Variants in TRAIP observed in about 807,000 individuals in gnomAD.
TRAIP encodes TRAF interacting protein.
Under a neutral mutation model 65.0 loss-of-function variants are expected in TRAIP, and 37 were observed. The observed-to-expected ratio is 0.57, with a 90% CI of 0.44 to 0.75. The LOEUF (loss-of-function observed/expected upper bound fraction) is 0.75, where lower values mean the gene tolerates loss of function less well. TRAIP is among the 30% of genes least tolerant of loss of function. The pLI is 0.00. For missense variants in TRAIP, 481 were observed against 579.4 expected (o/e 0.83, Z 1.74); for synonymous variants, 187 against 219.1 (o/e 0.85, Z 1.29).
chr3:49,840,228 TC>T, intron 9 of TRAIP, 55 bp downstream of exon 9: 1 of 1,490,822 alleles, frequency 6.7e-7, no homozygotes, highest in South Asian at 1.1e-5. Context: ...CCAGCCCTGC[TC>T]TGGGAGGGCA....
chr3:49,844,496 C>A, intron 4 of TRAIP, 45 bp downstream of exon 4: 1 of 1,610,008 alleles, frequency 6.2e-7, no homozygotes. Context: ...CCTCCAGCAT[C>A]CAAGTCAGGG....
At chr3:49,829,831 G>A in intron 12 of TRAIP, 65 bp from the exon 13 acceptor site, 1 of 1,604,094 alleles carries the variant, frequency 6.2e-7, no homozygotes, top group East Asian at 2.2e-5. Flanking sequence ...GAGGGTAGTG[G>A]TGGTGGAACA....
intron 10 of TRAIP, among the ~76,000 whole-genome samples, chr3:49,836,776 G>A (rs1260971447): frequency 6.6e-6 from 1 of 151,970 alleles, no homozygotes; most frequent in African/African-American, 2.4e-5. Flanking sequence ...TATGAGAACA[G>A]TGAAAATTTA....
intron 10 of TRAIP, among the ~76,000 whole-genome samples, chr3:49,832,485 G>A (rs1225658790): frequency 5.5e-5 from 6 of 108,648 alleles, no homozygotes; most frequent in South Asian, 2.6e-4. Context: ...GCAAGACTCC[G>A]TCTCAGGAAA....
intron 10 of TRAIP, among the ~76,000 whole-genome samples, chr3:49,836,117 C>T (rs2081784731): frequency 6.6e-6 from 1 of 151,866 alleles, no homozygotes; most frequent in Non-Finnish European, 1.5e-5. Context: ...CGTGTACCAC[C>T]ACACCTGGCT....
At chr3:49,836,529 AAAAGCAAAGC>A (rs140857495) in intron 10 of TRAIP, among the ~76,000 whole-genome samples, 5,434 of 151,988 alleles carry the variant, frequency 0.036, 314 homozygotes, top group African/African-American at 0.12. Context: ...AAGAAAAAGA[AAAAGCAAAGC>A]AAAGCAAAGC....
At chr3:49,835,145 T>C (rs112511620) in intron 10 of TRAIP, among the ~76,000 whole-genome samples, 4,972 of 152,094 alleles carry the variant, frequency 0.033, 270 homozygotes, top group African/African-American at 0.11. Context: ...GGGGTGGAGG[T>C]TGCAGTGAGC....
rs2081716250 is a variant in TRAIP, at chr3:49,829,773, G to A, written c.1087-7C>T. The A allele has an allele frequency of 6.2e-7, 1 of 1,613,902 alleles. No homozygotes were observed. The highest frequency in any genetic ancestry group is 8.5e-7 in the Non-Finnish European group (1 of 1,179,906). ...CCAGTGAGAGCTGGGACTCCTGCAG[G>A]GAAGACCCCAGGGCCAGACTTGATG... is the stretch of plus-strand genomic sequence containing the variant. On this transcript the variant is annotated splice_polypyrimidine_tract_variant and splice_region_variant and intron_variant, in intron 12 of 14. Coordinates refer to ENST00000331456, the MANE Select transcript of TRAIP (RefSeq NM_005879.3).
At chr3:49,847,443 A>G in intron 3 of TRAIP, 82 bp downstream of exon 3, 1 of 860,654 alleles carries the variant, frequency 1.2e-6, no homozygotes, top group Admixed American at 2.3e-5. Flanking sequence ...AGAAGAGAAG[A>G]GAAAAAAGAA....
chr3:49,833,331 C>T (rs1327133787), intron 10 of TRAIP, among the ~76,000 whole-genome samples: 1 of 152,180 alleles, frequency 6.6e-6, no homozygotes, highest in East Asian at 1.9e-4. Context: ...TAGTGGTGCC[C>T]AAGCTCAAGG....
rs1181363234 is a variant in TRAIP, at chr3:49,856,513, G to A, written c.-60C>T. On this transcript the variant is annotated 5_prime_UTR_variant, in exon 1 of 15. Transcript: ENST00000331456. Reference sequence around the variant, plus strand: ...AAACTGCTACAGGTCCGGCTTCGTAGACGCGCCCCCGCGCCTCCGCTTGCT... The same window carrying A: ...AAACTGCTACAGGTCCGGCTTCGTAAACGCGCCCCCGCGCCTCCGCTTGCT... 2.7e-6 allele frequency: 4 copies of A among 1,497,756 alleles called. No homozygotes were observed. The highest frequency in any genetic ancestry group is 4.7e-5 in the East Asian group (2 of 42,366). The allele number at this position is 1,497,756 out of a possible 1,614,324, so 92.8% of individuals were successfully genotyped here. A position where few individuals can be genotyped will look rare whatever the true frequency, so the allele number is the denominator to read the frequency against.
chr3:49,838,956 C>T (rs1377043576), intron 10 of TRAIP, among the ~76,000 whole-genome samples: 1 of 150,658 alleles, frequency 6.6e-6, no homozygotes, highest in African/African-American at 2.4e-5. Context: ...ATTGGGAGGC[C>T]GAGGCAGGTG....
intron 11 of TRAIP, among the ~76,000 whole-genome samples, chr3:49,830,417 G>A (rs1475312836): frequency 1.3e-5 from 2 of 152,166 alleles, no homozygotes; most frequent in Non-Finnish European, 2.9e-5. Flanking sequence ...CACCACCCAC[G>A]GGAGGAAAGC....
At chr3:49,838,867 C>T (rs2081811121) in intron 10 of TRAIP, among the ~76,000 whole-genome samples, 1 of 144,440 alleles carries the variant, frequency 6.9e-6, no homozygotes, top group Non-Finnish European at 1.5e-5. Context: ...GTCTGGGAAA[C>T]AGAGTGAGAC....
chr3:49,834,699 G>A (rs2081765451), intron 10 of TRAIP, among the ~76,000 whole-genome samples: 2 of 152,144 alleles, frequency 1.3e-5, no homozygotes, highest in African/African-American at 4.8e-5. Flanking sequence ...GATGCCAGCA[G>A]TCTGCACATC....
At chr3:49,836,395 G>A (rs753154079) in intron 10 of TRAIP, among the ~76,000 whole-genome samples, 1 of 152,062 alleles carries the variant, frequency 6.6e-6, no homozygotes, top group African/African-American at 2.4e-5. Context: ...GGGAGGTTGA[G>A]GCAGGAGAAT....
intron 3 of TRAIP, among the ~76,000 whole-genome samples, chr3:49,844,968 C>T (rs1048534513): frequency 5.9e-5 from 9 of 152,194 alleles, no homozygotes; most frequent in African/African-American, 1.4e-4. Context: ...ACCAGGGACA[C>T]ACAATAGGAA....
chr3:49,832,721 GGGT>G (rs2081747236), intron 10 of TRAIP, among the ~76,000 whole-genome samples: 2 of 138,760 alleles, frequency 1.4e-5, no homozygotes, highest in African/African-American at 5.3e-5. Flanking sequence ...GGGGGGTGGG[GGGT>G]GGGGAGTGAA....
intron 8 of TRAIP, 28 bp from the exon 9 acceptor site, chr3:49,840,401 C>A: frequency 6.2e-7 from 1 of 1,600,632 alleles, no homozygotes; most frequent in African/African-American, 1.3e-5. Context: ...GAATGAAAGA[C>A]AAGCCAAGTG....
Sources: gnomAD v4.1 joint callset for allele counts (sites outside exome capture counted in the v4.1 genomes callset) on GRCh38, gnomAD v4.1.1 for gene constraint, MANE v1.5 for transcripts, NCBI Gene and HGNC (gene_info 2026-07-23, HGNC 2026-07-21) for gene names.